The following SCUBE1 variants were observed in gnomAD, a reference collection of about 807,000 sequenced individuals.
SCUBE1 encodes signal peptide, CUB domain and EGF like domain containing 1.
In SCUBE1, 59 loss-of-function variants were observed where a neutral mutation model predicts 124.4. That is an observed-to-expected ratio of 0.47 (90% CI 0.38 to 0.59). SCUBE1 has a LOEUF of 0.59. Among genes scored for constraint, SCUBE1 ranks in the 20% least tolerant of loss-of-function variants. SCUBE1 has a pLI of 0.00. For missense variants in SCUBE1, 1,150 were observed against 1,371.2 expected, an observed-to-expected ratio of 0.84 and a Z score of 2.55; for synonymous variants, 545 against 550.9, an observed-to-expected ratio of 0.99 and a Z score of 0.15.
chr22:43,341,572 T>C (rs1927318349), intron 1 of SCUBE1, among the ~76,000 whole-genome samples: 2 of 152,172 alleles, frequency 1.3e-5, no homozygotes, highest in African/African-American at 4.8e-5. Flanking sequence ...TGGATGTTGA[T>C]GAGGGGTGGG....
intron 6 of SCUBE1, among the ~76,000 whole-genome samples, chr22:43,241,116 G>C (rs1033953797): frequency 6.6e-6 from 1 of 152,174 alleles, no homozygotes; most frequent in Non-Finnish European, 1.5e-5. Flanking sequence ...TCTCTTCCCT[G>C]AAGTCCCTAA....
chr22:43,287,854 A>C (rs961917046), intron 4 of SCUBE1, among the ~76,000 whole-genome samples: 1 of 152,164 alleles, frequency 6.6e-6, no homozygotes, highest in African/African-American at 2.4e-5. Context: ...AGTTGACACT[A>C]ATGGTGGGCA....
In SCUBE1 at chr22:43,343,040, C is replaced by G. The variant is rs976197596; in HGVS notation, c.88+134G>C. On this transcript the variant is annotated intron_variant, in intron 1 of 21. Transcript: ENST00000360835. ...CGCCCCGGGCCGGCCCTAGAAGTTACTTTGCAAAGAGGCAGGGGGCGCGGG... is the reference window on the plus strand; with the variant it reads ...CGCCCCGGGCCGGCCCTAGAAGTTAGTTTGCAAAGAGGCAGGGGGCGCGGG... 69 of 262,530 alleles carry G rather than the reference C, an allele frequency of 2.6e-4. 1 individual carries two copies. The highest frequency in any genetic ancestry group is 9.2e-4 in the African/African-American group (40 of 43,404). 16.3% of individuals were successfully genotyped at this position (262,530 alleles called of 1,614,324 possible).
intron 4 of SCUBE1, among the ~76,000 whole-genome samples, chr22:43,275,505 C>A (rs1296881015): frequency 6.6e-6 from 1 of 152,242 alleles, no homozygotes; most frequent in African/African-American, 2.4e-5. Flanking sequence ...ATGACTTAAA[C>A]ACATCCCTGC....
chr22:43,258,474 C>T lies in SCUBE1; in HGVS notation c.611-139G>A, dbSNP rs776964964. 14 of 682,914 alleles carry T rather than the reference C, an allele frequency of 2.1e-5. No homozygotes were observed. The highest frequency in any genetic ancestry group is 4.1e-5 in the Admixed American group (2 of 49,332). The allele number at this position is 682,914 out of a possible 1,614,324, so 42.3% of individuals were successfully genotyped here. On this transcript the variant is annotated intron_variant, in intron 5 of 21. Coordinates refer to ENST00000360835, the MANE Select transcript of SCUBE1 (RefSeq NM_173050.5). The surrounding 1 kb of genome is among the most constrained non-coding windows in gnomAD (Gnocchi z 5.0). ...CAGTGGGTAGGGTCATGAGGCTCGC[C>T]GGGCAACGGGGGAGCATTTCCCTGC...
chr22:43,282,346 T>A (rs1039665712), intron 4 of SCUBE1: 1 of 152,284 alleles, frequency 6.6e-6, no homozygotes, highest in African/African-American at 2.4e-5. Flanking sequence ...GTGGATGGCA[T>A]CTGAGGACTC....
chr22:43,256,833 G>T (rs2146705313), intron 6 of SCUBE1, among the ~76,000 whole-genome samples: 1 of 152,338 alleles, frequency 6.6e-6, no homozygotes, highest in Middle Eastern at 3.4e-3. Context: ...GAGGGAGAGA[G>T]GCCGGAGGAG....
At position 43,255,279 on chromosome 22, in the gene SCUBE1, AG is replaced by A. The variant is rs1288236300; in HGVS notation, c.727+2939del. Among the ~76,000 whole-genome samples the A allele has an allele frequency of 2.0e-5, 3 of 152,190 alleles. No homozygotes were observed. The highest frequency in any genetic ancestry group is 4.4e-5 in the Non-Finnish European group (3 of 68,038). On this transcript the variant is annotated intron_variant, in intron 6 of 21. Coordinates refer to ENST00000360835, the MANE Select transcript of SCUBE1 (RefSeq NM_173050.5). The surrounding 1 kb of genome is among the most constrained non-coding windows in gnomAD (Gnocchi z 4.7). ...AAGGAAAAAGTGAGTTCACACCTGG[AG>A]TGGAGCCCCCCGCACTCACACGACA... is the stretch of plus-strand genomic sequence containing the variant.
intron 19 of SCUBE1, among the ~76,000 whole-genome samples, chr22:43,208,910 GC>G (rs1412119920): frequency 6.6e-6 from 1 of 152,138 alleles, no homozygotes; most frequent in African/African-American, 2.4e-5. Flanking sequence ...AGGCCTCACG[GC>G]TCCCTGGGGG....
At chr22:43,247,350 G>A (rs1923256893) in intron 6 of SCUBE1, among the ~76,000 whole-genome samples, 1 of 152,190 alleles carries the variant, frequency 6.6e-6, no homozygotes, top group African/African-American at 2.4e-5. Context: ...AGTGACTGGG[G>A]AAGCCAGGAC....
chr22:43,305,687 T>C (rs1193375931), intron 3 of SCUBE1, among the ~76,000 whole-genome samples: 1 of 151,342 alleles, frequency 6.6e-6, no homozygotes, highest in African/African-American at 2.4e-5. Context: ...CTGGGGAGGG[T>C]CCCACTCGGC....
At chr22:43,331,387 C>T (rs931666033) in intron 2 of SCUBE1, among the ~76,000 whole-genome samples, 2 of 152,140 alleles carry the variant, frequency 1.3e-5, no homozygotes, top group Non-Finnish European at 2.9e-5. Flanking sequence ...TTATTTCCCC[C>T]AAGAGTTTTA....
intron 6 of SCUBE1, among the ~76,000 whole-genome samples, chr22:43,253,097 C>T (rs911573850): frequency 2.7e-5 from 4 of 147,216 alleles, no homozygotes; most frequent in Non-Finnish European, 4.5e-5. Flanking sequence ...AAGTCCGTAC[C>T]TTGCCTCTAT....
At chr22:43,222,780 C>T in intron 11 of SCUBE1, 38 bp from the exon 12 acceptor site, 1 of 1,482,736 alleles carries the variant, frequency 6.7e-7, no homozygotes, top group African/African-American at 1.4e-5. Flanking sequence ...GCCTGGTGCT[C>T]CTCCCTCCCA....
intron 2 of SCUBE1, among the ~76,000 whole-genome samples, chr22:43,330,301 A>T (rs1926864711): frequency 6.6e-6 from 1 of 152,152 alleles, no homozygotes; most frequent in Admixed American, 6.5e-5. Flanking sequence ...GCTTCCATTG[A>T]CCATCACAGC....
intron 9 of SCUBE1, among the ~76,000 whole-genome samples, chr22:43,228,592 C>T (rs1163275383): frequency 6.6e-6 from 1 of 152,206 alleles, no homozygotes; most frequent in Non-Finnish European, 1.5e-5. Context: ...GGGCTCCAGT[C>T]CTGTGGCTGC....
chr22:43,296,886 G>T (rs1417153383), intron 3 of SCUBE1, among the ~76,000 whole-genome samples: 1 of 152,228 alleles, frequency 6.6e-6, no homozygotes, highest in Non-Finnish European at 1.5e-5. Flanking sequence ...GACCACTCCA[G>T]TGAGGTATGG....
At chr22:43,316,596 A>G (rs1601885513) in intron 3 of SCUBE1, among the ~76,000 whole-genome samples, 2 of 152,130 alleles carry the variant, frequency 1.3e-5, no homozygotes, top group African/African-American at 4.8e-5. Context: ...CCACAGCCCC[A>G]CACCTGCTGC....
Position 43,211,345 on chromosome 22 carries a change from C to A in SCUBE1, c.2222-262G>T, listed in dbSNP as rs1242202549. On this transcript the variant is annotated intron_variant, in intron 17 of 21. Transcript: ENST00000360835. The surrounding 1 kb of genome is among the most constrained non-coding windows in gnomAD (Gnocchi z 4.5). The stretch of plus-strand genomic sequence containing the variant: ...ACCACACAGGCCACCTTGATGGGAG[C>A]CATTTTCAGGGAGAGCGGGGGCGAT... Among the ~76,000 whole-genome samples, 7 of 151,958 alleles carry A rather than the reference C, an allele frequency of 4.6e-5. No homozygotes were observed. The highest frequency in any genetic ancestry group is 1.3e-4 in the Admixed American group (2 of 15,264).
Sources: allele counts gnomAD v4.1 joint callset (sites outside exome capture counted in the v4.1 genomes callset), GRCh38; gene constraint gnomAD v4.1.1; non-coding constraint Gnocchi (gnomAD v3.1); transcripts MANE v1.5; gene names NCBI Gene and HGNC (gene_info 2026-07-23, HGNC 2026-07-21).